Variants in RBFOX3 observed in about 807,000 individuals in gnomAD.
The protein encoded by RBFOX3 is RNA binding fox-1 homolog 3, also known as RNA binding protein fox-1 homolog 3.
A neutral mutation model predicts 48.7 loss-of-function variants in RBFOX3; 17 were observed. The observed-to-expected ratio is 0.35, with a 90% CI of 0.24 to 0.52. RBFOX3 has a LOEUF of 0.52. RBFOX3 is among the 20% of genes least tolerant of loss of function. The probability of loss-of-function intolerance (pLI) is 0.94; values close to 1 mark genes in which losing one functional copy is unlikely to be tolerated. For synonymous variants in RBFOX3, 212 were observed against 209.5 expected (o/e 1.01, Z -0.10); for missense variants, 382 against 497.5 (o/e 0.77, Z 2.21).
intron 4 of RBFOX3, among the ~76,000 whole-genome samples, chr17:79,173,363 C>T (rs905668998): frequency 2.6e-5 from 4 of 152,206 alleles, no homozygotes; most frequent in Non-Finnish European, 5.9e-5. Context: ...TGATGGGGAA[C>T]TTACACCTCA....
At chr17:79,240,177 A>G (rs79082240) in intron 3 of RBFOX3, among the ~76,000 whole-genome samples, 3,608 of 152,264 alleles carry the variant, frequency 0.024, 94 homozygotes, top group East Asian at 0.063. Flanking sequence ...TGTCCATAAA[A>G]CATTTCATTC....
At chr17:79,446,042 A>C (rs1478190355) in intron 2 of RBFOX3, among the ~76,000 whole-genome samples, 1 of 152,168 alleles carries the variant, frequency 6.6e-6, no homozygotes, top group Non-Finnish European at 1.5e-5. Context: ...CGGCCTCCAC[A>C]TGAGAGAATG....
chr17:79,387,809 C>CA (rs2060767855), intron 2 of RBFOX3, among the ~76,000 whole-genome samples: 1 of 152,254 alleles, frequency 6.6e-6, no homozygotes, highest in South Asian at 2.1e-4. Flanking sequence ...CCCACTCCTT[C>CA]CCAACCCATA....
chr17:79,553,243 T>G (rs1356278123), intron 1 of RBFOX3, among the ~76,000 whole-genome samples: 1 of 152,246 alleles, frequency 6.6e-6, no homozygotes, highest in Non-Finnish European at 1.5e-5. Flanking sequence ...GTGTGTTAAT[T>G]CTCTTTATAT....
chr17:79,428,534 C>T (rs1281508698), intron 2 of RBFOX3, among the ~76,000 whole-genome samples: 1 of 152,250 alleles, frequency 6.6e-6, no homozygotes, highest in Non-Finnish European at 1.5e-5. Context: ...ACAGCCATGC[C>T]AACCCACAGG....
chr17:79,123,926 C>T (rs1349521254), intron 4 of RBFOX3, among the ~76,000 whole-genome samples: 3 of 152,326 alleles, frequency 2.0e-5, no homozygotes, highest in South Asian at 4.1e-4. Flanking sequence ...GTCGGTACCA[C>T]GAACGCCATT....
chr17:79,639,512 G>A, the RBFOX3 span, among the ~76,000 whole-genome samples: 19 of 152,196 alleles, frequency 1.2e-4, no homozygotes, highest in Non-Finnish European at 2.5e-4. Context: ...CACCCTAATA[G>A]CACAGTCAGA....
rs1258895276 is a variant in RBFOX3 at position 79,535,279 on chromosome 17, C to T, written c.-319-52681G>A. ...AGGGCTGTTCACAGAGGCTGACTCC[C>T]GTCCTCCCTTTCCTGAAAGACACTC... On this transcript the variant is annotated intron_variant, in intron 1 of 14. Transcript: ENST00000693108. This position sits in a 1 kb window ranked among gnomAD's most constrained non-coding sequence, Gnocchi z 4.5. Among the ~76,000 whole-genome samples the T allele has an allele frequency of 1.3e-5, 2 of 152,202 alleles. No homozygotes were observed. Among genetic ancestry groups the T allele is most frequent in the African/African-American group, 2.4e-5 (1 of 41,454 alleles).
At chr17:79,339,957 C>T (rs1050434009) in intron 2 of RBFOX3, among the ~76,000 whole-genome samples, 1 of 152,220 alleles carries the variant, frequency 6.6e-6, no homozygotes, top group Admixed American at 6.5e-5. Flanking sequence ...GCTGATGCCC[C>T]CTGTTCTCCC....
At chr17:79,378,311 A>C (rs1179434147) in intron 2 of RBFOX3, among the ~76,000 whole-genome samples, 2 of 152,218 alleles carry the variant, frequency 1.3e-5, no homozygotes, top group Admixed American at 1.3e-4. Flanking sequence ...AGAAAGGGAC[A>C]GAGCAGCTGA....
the RBFOX3 span, among the ~76,000 whole-genome samples, chr17:79,663,198 A>G: frequency 6.6e-6 from 1 of 152,154 alleles, no homozygotes; most frequent in African/African-American, 2.4e-5. Flanking sequence ...TTAGGTAGAA[A>G]TGCTATTTCT....
chr17:79,091,614 G>A (rs536210104), intron 14 of RBFOX3, among the ~76,000 whole-genome samples: 95 of 152,304 alleles, frequency 6.2e-4, no homozygotes, highest in African/African-American at 2.1e-3. Flanking sequence ...GGGGCTGACC[G>A]GCCTGCGCTC....
intron 2 of RBFOX3, among the ~76,000 whole-genome samples, chr17:79,360,446 G>GC (rs1011917796): frequency 6.6e-6 from 1 of 152,174 alleles, no homozygotes; most frequent in African/African-American, 2.4e-5. Flanking sequence ...GCACCCTGGG[G>GC]CCCCCACCCG....
At chr17:79,573,100 G>A (rs2092734451) in intron 1 of RBFOX3, among the ~76,000 whole-genome samples, 1 of 152,182 alleles carries the variant, frequency 6.6e-6, no homozygotes, top group African/African-American at 2.4e-5. Context: ...CACCTTTCCT[G>A]CTTATGCCTC....
At chr17:79,537,275 A>G (rs2088965216) in intron 1 of RBFOX3, among the ~76,000 whole-genome samples, 1 of 152,026 alleles carries the variant, frequency 6.6e-6, no homozygotes, top group South Asian at 2.1e-4. Flanking sequence ...AGTGCACTTG[A>G]CTTGTTGCCA....
intron 2 of RBFOX3, among the ~76,000 whole-genome samples, chr17:79,397,112 C>T (rs946431953): frequency 1.7e-4 from 26 of 152,200 alleles, no homozygotes; most frequent in African/African-American, 6.3e-4. Context: ...CAGGAGACGC[C>T]TCCCCACAGC....
chr17:79,500,332 A>G (rs2149721497), intron 1 of RBFOX3, among the ~76,000 whole-genome samples: 1 of 139,104 alleles, frequency 7.2e-6, no homozygotes, highest in African/African-American at 2.7e-5. Context: ...ATCTCGGCTC[A>G]CTGCAACCTC....
chr17:79,609,780 G>A (rs1181994118), intron 1 of RBFOX3, among the ~76,000 whole-genome samples: 1 of 151,926 alleles, frequency 6.6e-6, no homozygotes, highest in African/African-American at 2.4e-5. Flanking sequence ...CTGCGCGCCA[G>A]GGGAGGCTCC....
chr17:79,214,644 G>A lies in RBFOX3; in HGVS notation c.-34+21122C>T, dbSNP rs1208913979. On this transcript the variant is annotated intron_variant, in intron 4 of 14. Transcript: ENST00000693108. The surrounding 1 kb of genome is among the most constrained non-coding windows in gnomAD (Gnocchi z 4.7). The stretch of plus-strand genomic sequence containing the variant: ...GAGGAGGAGCCCAGGCTCCCAGGCA[G>A]GGCTGAAGCTGGGTCTGTTCCCCAG... Among the ~76,000 whole-genome samples, 1 of 151,956 alleles carries A rather than the reference G, an allele frequency of 6.6e-6. No individual in the cohort carries two copies. The highest frequency in any genetic ancestry group is 6.5e-5 in the Admixed American group (1 of 15,280).
Sources: allele counts gnomAD v4.1 joint callset (sites outside exome capture counted in the v4.1 genomes callset), GRCh38; gene constraint gnomAD v4.1.1; non-coding constraint Gnocchi (gnomAD v3.1); transcripts MANE v1.5; gene names NCBI Gene and HGNC (gene_info 2026-07-23, HGNC 2026-07-21).